SPPL3: variants seen among roughly 807,000 people sequenced by gnomAD.
SPPL3 encodes the protein signal peptide peptidase-like 3.
In SPPL3, 5 loss-of-function variants were observed where a neutral mutation model predicts 42.4. The ratio of observed to expected loss-of-function variants is 0.12; its 90% CI spans 0.06 to 0.25. The LOEUF (loss-of-function observed/expected upper bound fraction) is 0.25, where lower values mean the gene tolerates loss of function less well. Among genes scored for constraint, SPPL3 ranks in the 10% least tolerant of loss-of-function variants. The pLI is 1.00. For missense variants in SPPL3, 235 were observed against 489.0 expected (o/e 0.48, Z 4.90); for synonymous variants, 195 against 181.8 (o/e 1.07, Z -0.58).
rs560368751 is a variant in SPPL3, at chr12:120,824,440, G to A, written c.24-13554C>T. On this transcript the variant is annotated intron_variant, in intron 1 of 10. Coordinates refer to ENST00000353487, the MANE Select transcript of SPPL3 (RefSeq NM_139015.5). Reference sequence around the variant, plus strand: ...TACTAAAAGCTTGTGTTCTTCAGTCGGATATAGAATTTAACAAGTAATACT... The same window carrying A: ...TACTAAAAGCTTGTGTTCTTCAGTCAGATATAGAATTTAACAAGTAATACT... Among the ~76,000 whole-genome samples the A allele has an allele frequency of 3.9e-4, 60 of 152,076 alleles. No individual in the cohort carries two copies. In the South Asian group the frequency reaches 0.012, roughly 32 times the overall value.
intron 2 of SPPL3, among the ~76,000 whole-genome samples, chr12:120,807,097 G>A (rs573556931): frequency 3.3e-5 from 5 of 152,196 alleles, no homozygotes; most frequent in Admixed American, 6.5e-5. Context: ...GACTGAGAGA[G>A]AATTTTTGAC....
In SPPL3 at chr12:120,762,594, CT is replaced by C. The variant is rs34949455; in HGVS notation, c.*2404del. 0.41 allele frequency: 54,149 copies of C among 132,082 alleles called. 9,940 individuals are homozygous for C. Among genetic ancestry groups the C allele is most frequent in the Admixed American group, 0.53 (6,736 of 12,816 alleles). 8.2% of individuals were successfully genotyped at this position (132,082 alleles called of 1,614,324 possible). On this transcript the variant is annotated 3_prime_UTR_variant, in exon 11 of 11. Transcript: ENST00000353487. ...TGACCCACTGCCAGGATAACATTTC[CT>C]TTTTTTTTTTTTTTTTGAGATGGAG...
intron 10 of SPPL3, among the ~76,000 whole-genome samples, chr12:120,765,824 T>C (rs1279616587): frequency 6.6e-6 from 1 of 152,176 alleles, no homozygotes; most frequent in Admixed American, 6.5e-5. Flanking sequence ...AGAATAGATA[T>C]CTGGGAAATA....
intron 2 of SPPL3, among the ~76,000 whole-genome samples, chr12:120,809,278 G>A (rs1870604006): frequency 6.6e-6 from 1 of 152,034 alleles, no homozygotes; most frequent in Non-Finnish European, 1.5e-5. Flanking sequence ...CCAGGAGGTG[G>A]AGCTTGCAGT....
At chr12:120,826,254 T>C (rs553066629) in intron 1 of SPPL3, among the ~76,000 whole-genome samples, 2 of 142,570 alleles carry the variant, frequency 1.4e-5, no homozygotes, top group African/African-American at 5.3e-5. Context: ...GATTGCACCA[T>C]TGCACTCCAG....
rs751502955 is a variant in SPPL3 at position 120,859,173 on chromosome 12, GGTGGGGGGC to G, written c.23+44663_23+44671del. On this transcript the variant is annotated intron_variant, in intron 1 of 10. Coordinates refer to ENST00000353487, the MANE Select transcript of SPPL3 (RefSeq NM_139015.5). ...TGTTTCAGATCTCCCTCTTTTTTGG[GGTGGGGGGC>G]GTGGGGGTTTCAGAATATTTGTATT... 1.2e-4 allele frequency among the ~76,000 whole-genome samples: 18 copies of G among 151,796 alleles called. 1 individual carries two copies. The highest frequency in any genetic ancestry group is 2.9e-4 in the African/African-American group (12 of 41,390).
chr12:120,810,801 T>A lies in SPPL3; in HGVS notation c.101+8A>T, dbSNP rs758285372. On this transcript the variant is annotated splice_region_variant and intron_variant, in intron 2 of 10. Coordinates refer to ENST00000353487, the MANE Select transcript of SPPL3 (RefSeq NM_139015.5). Reference sequence around the variant, plus strand: ...AACTTGTATCAACCCCATTTGAGAATATCTTACCTGAAACTACCATAGACT... The same window carrying A: ...AACTTGTATCAACCCCATTTGAGAAAATCTTACCTGAAACTACCATAGACT... 4 of 1,600,248 alleles carry A rather than the reference T, an allele frequency of 2.5e-6. No individual in the cohort carries two copies. The highest frequency in any genetic ancestry group is 1.7e-5 in the Admixed American group (1 of 59,446).
chr12:120,830,606 A>AGAGAGAG (rs377406347), intron 1 of SPPL3, among the ~76,000 whole-genome samples: 64 of 124,586 alleles, frequency 5.1e-4, no homozygotes, highest in East Asian at 9.8e-4. Context: ...AGAGAGAGAG[A>AGAGAGAG]AGGTGTACAT....
chr12:120,853,871 T>C (rs1010457511), intron 1 of SPPL3, among the ~76,000 whole-genome samples: 8 of 151,950 alleles, frequency 5.3e-5, no homozygotes, highest in Admixed American at 5.3e-4. Context: ...ACTGAATATA[T>C]TATGAAAGCA....
At chr12:120,810,732 T>G (rs570210440) in intron 2 of SPPL3, 77 bp downstream of exon 2, 1 of 1,128,626 alleles carries the variant, frequency 8.9e-7, no homozygotes, top group East Asian at 2.4e-5. Context: ...AGAGTAAGTT[T>G]TGGTACCAGC....
chr12:120,848,942 A>G (rs991226441), intron 1 of SPPL3, among the ~76,000 whole-genome samples: 16 of 151,816 alleles, frequency 1.1e-4, no homozygotes, highest in Non-Finnish European at 2.2e-4. Flanking sequence ...TTTTTTGGCC[A>G]TCTTTCAAGG....
At position 120,840,569 on chromosome 12, in the gene SPPL3, C is replaced by G. The variant is rs145110238; in HGVS notation, c.24-29683G>C. On this transcript the variant is annotated intron_variant, in intron 1 of 10. Coordinates refer to ENST00000353487, the MANE Select transcript of SPPL3 (RefSeq NM_139015.5). ...CACAACTAAAAACCAGAATTGTGGC[C>G]AGATGCGGTGGCAGCACTTTGGGAG... is the stretch of plus-strand genomic sequence containing the variant. Among the ~76,000 whole-genome samples, 639 of 152,010 alleles carry G rather than the reference C, an allele frequency of 4.2e-3. 7 individuals carry two copies. Among genetic ancestry groups the G allele is most frequent in the African/African-American group, 0.014 (594 of 41,464 alleles).
intron 1 of SPPL3, among the ~76,000 whole-genome samples, chr12:120,813,547 G>A (rs1325063915): frequency 6.6e-6 from 1 of 151,674 alleles, no homozygotes; most frequent in Non-Finnish European, 1.5e-5. Flanking sequence ...TCTCAAACTC[G>A]TGACCTCAAG....
chr12:120,851,795 G>T (rs1039610907), intron 1 of SPPL3, among the ~76,000 whole-genome samples: 2 of 152,010 alleles, frequency 1.3e-5, no homozygotes, highest in Non-Finnish European at 2.9e-5. Context: ...GTAGAGACAG[G>T]GTTTCACCAC....
At position 120,764,839 on chromosome 12, in the gene SPPL3, C is replaced by T; in HGVS notation, c.*160G>A. 4 of 747,870 alleles carry T rather than the reference C, an allele frequency of 5.3e-6. No individual in the cohort carries two copies. Among genetic ancestry groups the T allele is most frequent in the Non-Finnish European group, 8.4e-6 (4 of 478,888 alleles). 46.3% of individuals were successfully genotyped at this position (747,870 alleles called of 1,614,324 possible). A position where few individuals can be genotyped will look rare whatever the true frequency, so the allele number is the denominator to read the frequency against. On this transcript the variant is annotated 3_prime_UTR_variant, in exon 11 of 11. Coordinates refer to ENST00000353487, the MANE Select transcript of SPPL3 (RefSeq NM_139015.5). ...AACCAAACAGGGCTCCAGCACCTCT[C>T]TCCTGCAAACGAGCTCCCTTTAAAT... is the stretch of plus-strand genomic sequence containing the variant.
At chr12:120,881,627 A>G (rs2137058077) in intron 1 of SPPL3, among the ~76,000 whole-genome samples, 1 of 151,364 alleles carries the variant, frequency 6.6e-6, no homozygotes, top group Middle Eastern at 3.4e-3. Context: ...TATTACTCAT[A>G]GTAACTAAAA....
intron 1 of SPPL3, among the ~76,000 whole-genome samples, chr12:120,862,481 C>T (rs1396078699): frequency 2.0e-5 from 3 of 152,190 alleles, no homozygotes; most frequent in East Asian, 1.9e-4. Flanking sequence ...TTTCCACAAT[C>T]CCTTTCTCAG....
chr12:120,768,744 G>A, intron 7 of SPPL3: 1 of 627,868 alleles, frequency 1.6e-6, no homozygotes. Context: ...TTCTATCCTA[G>A]GAGTCACACA....
intron 1 of SPPL3, chr12:120,901,965 A>G: frequency 1.0e-6 from 1 of 984,688 alleles, no homozygotes. Context: ...AGCACAGTAA[A>G]AACAGCAAAG....
Sources: gnomAD v4.1 joint callset for allele counts (sites outside exome capture counted in the v4.1 genomes callset) on GRCh38, gnomAD v4.1.1 for gene constraint, MANE v1.5 for transcripts, NCBI Gene and HGNC (gene_info 2026-07-23, HGNC 2026-07-21) for gene names.